Variants in KCNH7 observed in about 807,000 individuals in gnomAD.
The protein encoded by KCNH7 is voltage-gated inwardly rectifying potassium channel KCNH7.
In KCNH7, 49 loss-of-function variants were observed where a neutral mutation model predicts 120.8. That is an observed-to-expected ratio of 0.41 (90% CI 0.32 to 0.51). The LOEUF (loss-of-function observed/expected upper bound fraction) is 0.51, where lower values mean the gene tolerates loss of function less well. Ranked by LOEUF, KCNH7 falls within the 20% of genes least tolerant of loss-of-function variation. The probability of loss-of-function intolerance (pLI) is 0.38; values close to 1 mark genes in which losing one functional copy is unlikely to be tolerated. For synonymous variants in KCNH7, 547 were observed against 516.1 expected, an observed-to-expected ratio of 1.06 and a Z score of -0.81; for missense variants, 1,097 against 1,446.6, an observed-to-expected ratio of 0.76 and a Z score of 3.92.
intron 6 of KCNH7, among the ~76,000 whole-genome samples, chr2:162,503,362 A>T (rs1690755352): frequency 6.6e-6 from 1 of 152,084 alleles, no homozygotes; most frequent in South Asian, 2.1e-4. Flanking sequence ...CTGTTCATTT[A>T]CCCATTTTAC....
chr2:162,427,618 T>C (rs912844232), intron 8 of KCNH7, among the ~76,000 whole-genome samples: 3 of 151,992 alleles, frequency 2.0e-5, no homozygotes, highest in African/African-American at 7.2e-5. Context: ...ATCTCGGTAT[T>C]GAAAATATTT....
intron 6 of KCNH7, chr2:162,501,975 C>A (rs796948271): frequency 7.5e-4 from 114 of 152,084 alleles, no homozygotes; most frequent in African/African-American, 2.6e-3. Context: ...AAAAAAAATG[C>A]AAAGCTTTTG....
chr2:162,578,468 G>C (rs527967263), intron 2 of KCNH7, among the ~76,000 whole-genome samples: 1 of 151,956 alleles, frequency 6.6e-6, no homozygotes, highest in Non-Finnish European at 1.5e-5. Flanking sequence ...CTAGTGACAC[G>C]GCCAAGGCTT....
chr2:162,725,977 C>T (rs1032465885), intron 2 of KCNH7, among the ~76,000 whole-genome samples: 18 of 152,198 alleles, frequency 1.2e-4, no homozygotes, highest in East Asian at 3.9e-4. Context: ...TGCACAGTCA[C>T]GATTTTATTA....
chr2:162,772,858 G>A (rs1450192002), intron 2 of KCNH7, among the ~76,000 whole-genome samples: 1 of 152,114 alleles, frequency 6.6e-6, no homozygotes, highest in East Asian at 1.9e-4. Flanking sequence ...TTATACAGCG[G>A]AGGAAATAGA....
intron 6 of KCNH7, among the ~76,000 whole-genome samples, chr2:162,496,621 G>C (rs1176334905): frequency 6.6e-6 from 1 of 151,960 alleles, no homozygotes; most frequent in Non-Finnish European, 1.5e-5. Context: ...ACTTTTTCCT[G>C]GTCATGAGAC....
At chr2:162,634,804 A>C (rs1683897962) in intron 2 of KCNH7, among the ~76,000 whole-genome samples, 1 of 152,046 alleles carries the variant, frequency 6.6e-6, no homozygotes, top group African/African-American at 2.4e-5. Flanking sequence ...ACTAACTTGA[A>C]ATATAAGACT....
At chr2:162,423,049 T>C (rs536861261) in intron 9 of KCNH7, among the ~76,000 whole-genome samples, 1 of 152,254 alleles carries the variant, frequency 6.6e-6, no homozygotes, top group Non-Finnish European at 1.5e-5. Context: ...AAAACCCAAG[T>C]CCCAGCTAAA....
intron 2 of KCNH7, among the ~76,000 whole-genome samples, chr2:162,712,571 G>A (rs1253177018): frequency 6.6e-6 from 1 of 152,182 alleles, no homozygotes; most frequent in African/African-American, 2.4e-5. Flanking sequence ...AGCTCTCAGA[G>A]TGATTTTAAA....
In KCNH7 at chr2:162,692,350, C is replaced by T. The variant is rs1239462423; in HGVS notation, c.307+144187G>A. On this transcript the variant is annotated intron_variant, in intron 2 of 15. Transcript: ENST00000332142. ...CCATGTTCACCAGGATGATCTCCTA[C>T]CCACCACGAGTACAATGAATTGTGG... Among the ~76,000 whole-genome samples the T allele has an allele frequency of 2.0e-5, 3 of 152,014 alleles. No homozygotes were observed. The East Asian group carries it at 5.8e-4, about 29-fold the overall frequency.
chr2:162,376,368 G>GTTT (rs554245457), intron 14 of KCNH7, among the ~76,000 whole-genome samples: 1 of 135,670 alleles, frequency 7.4e-6, no homozygotes, highest in Non-Finnish European at 1.6e-5. Flanking sequence ...AGTGTGGTTT[G>GTTT]TTTTTTTTTT....
At chr2:162,764,005 G>C (rs1450583648) in intron 2 of KCNH7, among the ~76,000 whole-genome samples, 1 of 151,952 alleles carries the variant, frequency 6.6e-6, no homozygotes, top group African/African-American at 2.4e-5. Context: ...TCTGTCCTAA[G>C]GAAAGATTTT....
intron 2 of KCNH7, among the ~76,000 whole-genome samples, chr2:162,798,414 A>G (rs957148423): frequency 2.0e-5 from 3 of 152,096 alleles, no homozygotes; most frequent in African/African-American, 7.2e-5. Context: ...TAGGAGATAC[A>G]CATGAATTTT....
chr2:162,386,896 A>C (rs561940836), intron 12 of KCNH7, among the ~76,000 whole-genome samples: 2 of 151,648 alleles, frequency 1.3e-5, no homozygotes, highest in East Asian at 3.9e-4. Context: ...ACCAGTTAAC[A>C]TGTATTGTTA....
At chr2:162,681,397 C>A (rs1685705285) in intron 2 of KCNH7, among the ~76,000 whole-genome samples, 1 of 151,690 alleles carries the variant, frequency 6.6e-6, no homozygotes, top group Admixed American at 6.6e-5. Flanking sequence ...TGGTGATATT[C>A]TCCTTTTTGT....
intron 3 of KCNH7, 150 bp downstream of exon 3, chr2:162,536,775 G>T (rs1692123573): frequency 1.3e-6 from 1 of 761,028 alleles, no homozygotes. Flanking sequence ...GGTACCAAAA[G>T]GTAACATGAG....
chr2:162,816,075 A>G (rs1684908177), intron 2 of KCNH7, among the ~76,000 whole-genome samples: 1 of 152,158 alleles, frequency 6.6e-6, no homozygotes, highest in Non-Finnish European at 1.5e-5. Context: ...CCTGGCCAAC[A>G]TGGAGAAACC....
intron 2 of KCNH7, among the ~76,000 whole-genome samples, chr2:162,744,711 T>C (rs1688255821): frequency 1.3e-5 from 2 of 152,004 alleles, no homozygotes; most frequent in South Asian, 2.1e-4. Flanking sequence ...TAGCTGGGAC[T>C]ACAAGTGCCC....
At chr2:162,596,695 T>C (rs1310494988) in intron 2 of KCNH7, among the ~76,000 whole-genome samples, 1 of 151,730 alleles carries the variant, frequency 6.6e-6, no homozygotes, top group Admixed American at 6.6e-5. Flanking sequence ...AAAGCAAAAA[T>C]AGACAAATGA....
Sources: allele counts gnomAD v4.1 joint callset (sites outside exome capture counted in the v4.1 genomes callset), GRCh38; gene constraint gnomAD v4.1.1; transcripts MANE v1.5; gene names NCBI Gene and HGNC (gene_info 2026-07-23, HGNC 2026-07-21).